The following DCLRE1C variants were observed in gnomAD, a reference collection of about 807,000 sequenced individuals.
DCLRE1C encodes DNA cross-link repair 1C.
Under a neutral mutation model 61.4 loss-of-function variants are expected in DCLRE1C, and 47 were observed. That is an observed-to-expected ratio of 0.77 (90% CI 0.61 to 0.98). The LOEUF (loss-of-function observed/expected upper bound fraction) is 0.98. DCLRE1C is among the 50% of genes least tolerant of loss of function. The probability of loss-of-function intolerance (pLI) is 0.00; values close to 1 mark genes in which losing one functional copy is unlikely to be tolerated. For synonymous variants in DCLRE1C, 337 were observed against 287.6 expected (o/e 1.17, Z -1.74); for missense variants, 858 against 816.0 (o/e 1.05, Z -0.63).
rs759014135 is a variant in DCLRE1C, at chr10:14,932,835, G to A, written c.780+19C>T. 6.2e-7 allele frequency: 1 copy of A among 1,611,812 alleles called. No homozygotes were observed. The highest frequency in any genetic ancestry group is 1.7e-5 in the Admixed American group (1 of 59,982). On this transcript the variant is annotated intron_variant, in intron 9 of 13. Transcript: ENST00000378278. ...ATAGATTACACAAACAATACGAGAGGAATCACTTGCACACGTACCTTGGGA... is the reference window on the plus strand; with the variant it reads ...ATAGATTACACAAACAATACGAGAGAAATCACTTGCACACGTACCTTGGGA...
At chr10:14,930,093 A>G (rs991289989) in intron 9 of DCLRE1C, among the ~76,000 whole-genome samples, 5 of 152,062 alleles carry the variant, frequency 3.3e-5, no homozygotes, top group Admixed American at 3.3e-4. Flanking sequence ...TCCAACAGAA[A>G]AAGGGACAAA....
At chr10:14,952,020 A>G (rs903658821) in intron 1 of DCLRE1C, among the ~76,000 whole-genome samples, 3 of 152,218 alleles carry the variant, frequency 2.0e-5, no homozygotes, top group Non-Finnish European at 4.4e-5. Flanking sequence ...AAGCAGATCC[A>G]CATGTGGTCA....
intron 2 of DCLRE1C, among the ~76,000 whole-genome samples, chr10:14,946,491 G>T (rs1487259836): frequency 6.6e-6 from 1 of 152,062 alleles, no homozygotes; most frequent in African/African-American, 2.4e-5. Flanking sequence ...CTTGAACCTG[G>T]GCAGTTTTCT....
In DCLRE1C at chr10:14,910,842, G is replaced by A. The variant is rs565243855; in HGVS notation, c.1157-1512C>T. On this transcript the variant is annotated intron_variant, in intron 13 of 13. Coordinates refer to ENST00000378278, the MANE Select transcript of DCLRE1C (RefSeq NM_001033855.3). ...ATCAGAAACTATCTCTCAAGAAAAT[G>A]GACATCGAGCAATTAAGGACAATGA... 4.6e-5 allele frequency among the ~76,000 whole-genome samples: 7 copies of A among 152,244 alleles called. No homozygotes were observed. In the South Asian group the frequency reaches 1.5e-3, roughly 32 times the overall value.
rs540663173 is a variant in DCLRE1C, at chr10:14,921,618, A to G, written c.1061+1363T>C. On this transcript the variant is annotated intron_variant, in intron 12 of 13. Coordinates refer to ENST00000378278, the MANE Select transcript of DCLRE1C (RefSeq NM_001033855.3). ...CTCACTGAGCACACACAAATGACCTAATTACCAAGGAAACGGGACACCTGG... is the reference window on the plus strand; with the variant it reads ...CTCACTGAGCACACACAAATGACCTGATTACCAAGGAAACGGGACACCTGG... Among the ~76,000 whole-genome samples the G allele has an allele frequency of 4.6e-4, 70 of 152,186 alleles. 1 individual carries two copies. In the Middle Eastern group the frequency reaches 0.014, roughly 30 times the overall value.
chr10:14,926,927 A>C, intron 10 of DCLRE1C, 30 bp from the exon 11 acceptor site: 1 of 1,596,556 alleles, frequency 6.3e-7, no homozygotes, highest in Middle Eastern at 1.7e-4. Context: ...CAAAATAAAA[A>C]GATCACTGAG....
rs566481010 is a variant in DCLRE1C at position 14,947,169 on chromosome 10, G to C, written c.161+1867C>G. On this transcript the variant is annotated intron_variant, in intron 2 of 13. Coordinates refer to ENST00000378278, the MANE Select transcript of DCLRE1C (RefSeq NM_001033855.3). Reference sequence around the variant, plus strand: ...AGAGATTGCAGTGAGCCAACATCACGCTACTGCACTCCTGCCTGGGCAGCA... The same window carrying C: ...AGAGATTGCAGTGAGCCAACATCACCCTACTGCACTCCTGCCTGGGCAGCA... Among the ~76,000 whole-genome samples, 142 of 152,178 alleles carry C rather than the reference G, an allele frequency of 9.3e-4. 1 individual carries two copies. Among genetic ancestry groups the C allele is most frequent in the African/African-American group, 3.3e-3 (137 of 41,506 alleles).
chr10:14,953,812 C>G, intron 1 of DCLRE1C, 90 bp downstream of exon 1: 5 of 1,577,214 alleles, frequency 3.2e-6, no homozygotes, highest in Non-Finnish European at 4.3e-6. Context: ...TTCCCACAGG[C>G]TGCAGCTCCT....
At chr10:14,902,748 G>A, downstream of DCLRE1C, 1 of 310,468 alleles carries the variant, frequency 3.2e-6, no homozygotes, top group South Asian at 5.9e-5. Flanking sequence ...CTAATGGAAG[G>A]CAGACTATTT....
Position 14,907,793 on chromosome 10 carries a change from C to T in DCLRE1C, c.*615G>A, listed in dbSNP as rs150596899. The T allele has an allele frequency of 6.7e-6, 1 of 150,214 alleles. No homozygotes were observed. Among genetic ancestry groups the T allele is most frequent in the East Asian group, 2.0e-4 (1 of 5,098 alleles). The allele number at this position is 150,214 out of a possible 1,614,324, so 9.3% of individuals were successfully genotyped here. A position where few individuals can be genotyped will look rare whatever the true frequency, so the allele number is the denominator to read the frequency against. On this transcript the variant is annotated 3_prime_UTR_variant, in exon 14 of 14. Coordinates refer to ENST00000378278, the MANE Select transcript of DCLRE1C (RefSeq NM_001033855.3). ...TTCCGTGTCTCTTGTCATTGATGCA[C>T]TTAGACCATTTACATTTAATGTAAT...
intron 13 of DCLRE1C, among the ~76,000 whole-genome samples, chr10:14,913,843 TGGG>T (rs529670075): frequency 2.0e-5 from 3 of 152,058 alleles, no homozygotes; most frequent in Admixed American, 6.6e-5. Flanking sequence ...TTGGTACTCT[TGGG>T]GGGGTCCTGG....
intron 12 of DCLRE1C, 128 bp from the exon 13 acceptor site, chr10:14,919,960 C>T (rs1414881413): frequency 2.6e-6 from 2 of 756,462 alleles, no homozygotes. Flanking sequence ...TTAACAAAAT[C>T]TTGACCATAA....
At chr10:14,952,629 T>C (rs561840953) in intron 1 of DCLRE1C, among the ~76,000 whole-genome samples, 40 of 151,870 alleles carry the variant, frequency 2.6e-4, no homozygotes, top group Non-Finnish European at 4.4e-4. Flanking sequence ...GGTGGCTGAC[T>C]CCTGTAGTCC....
chr10:14,928,751 G>A (rs1564420932), intron 9 of DCLRE1C, among the ~76,000 whole-genome samples: 1 of 151,712 alleles, frequency 6.6e-6, no homozygotes, highest in Admixed American at 6.6e-5. Context: ...GCAAAGTGTT[G>A]GCAACGCAGC....
chr10:14,944,176 A>T (rs1384289925), intron 3 of DCLRE1C, among the ~76,000 whole-genome samples: 2 of 152,094 alleles, frequency 1.3e-5, no homozygotes. Flanking sequence ...TACACTCTAA[A>T]ATATTAAAAT....
At position 14,908,422 on chromosome 10, in the gene DCLRE1C, G is replaced by C; in HGVS notation, c.2065C>G (p.Leu689Val). 1 of 1,613,214 alleles carries C rather than the reference G, an allele frequency of 6.2e-7. No homozygotes were observed. The highest frequency in any genetic ancestry group is 8.5e-7 in the Non-Finnish European group (1 of 1,179,348). ...GCTTTGAATTCTTAGGTATCTAAGA[G>C]TGAGCATTTTCTTTTTTTGACTGCT... ...SIAVKKRKCS[L>V]LDT is the part of the protein sequence containing the mutation. Residue 689 changes from leucine (L) to valine (V), a missense_variant, in exon 14 of 14, where the codon CTC becomes GTC. By Grantham distance (32) the Leu-to-Val change is conservative. Coordinates refer to ENST00000378278, the MANE Select transcript of DCLRE1C (RefSeq NM_001033855.3).
At chr10:14,918,645 G>GA (rs921437952) in intron 13 of DCLRE1C, among the ~76,000 whole-genome samples, 2 of 142,842 alleles carry the variant, frequency 1.4e-5, no homozygotes, top group Non-Finnish European at 3.1e-5. Context: ...AAAAAAAAAA[G>GA]AAAAAAACCT....
chr10:14,947,987 T>G (rs1304983714), intron 2 of DCLRE1C, among the ~76,000 whole-genome samples: 1 of 152,138 alleles, frequency 6.6e-6, no homozygotes, highest in South Asian at 2.1e-4. Flanking sequence ...CGAAAAGAAG[T>G]TGCAGTGAGC....
rs553964033 is a variant in DCLRE1C at position 14,905,093 on chromosome 10, A to G, written c.*3315T>C. ...TTTTACAGTCATTTCCAGTAAGACTATAAAAGGGGCAGAAAAATACTGATG... is the reference window on the plus strand; with the variant it reads ...TTTTACAGTCATTTCCAGTAAGACTGTAAAAGGGGCAGAAAAATACTGATG... On this transcript the variant is annotated 3_prime_UTR_variant, in exon 14 of 14. Coordinates refer to ENST00000378278, the MANE Select transcript of DCLRE1C (RefSeq NM_001033855.3). Among the ~76,000 whole-genome samples the G allele has an allele frequency of 6.6e-5, 10 of 152,368 alleles. No individual in the cohort carries two copies. In the South Asian group the frequency reaches 1.7e-3, roughly 25 times the overall value.
Sources: gnomAD v4.1 joint callset for allele counts (sites outside exome capture counted in the v4.1 genomes callset) on GRCh38, gnomAD v4.1.1 for gene constraint, MANE v1.5 for transcripts, NCBI Gene and HGNC (gene_info 2026-07-23, HGNC 2026-07-21) for gene names.